MYO5A: variants seen among roughly 807,000 people sequenced by gnomAD.
MYO5A encodes the protein unconventional myosin-Va.
Under a neutral mutation model 249.7 loss-of-function variants are expected in MYO5A, and 98 were observed. The ratio of observed to expected loss-of-function variants is 0.39; its 90% confidence interval spans 0.33 to 0.46. The LOEUF is 0.46. MYO5A is among the 20% of genes least tolerant of loss of function. The pLI, the probability that MYO5A is intolerant of heterozygous loss-of-function variation, is 0.98. For missense variants in MYO5A, 1,696 were observed against 2,308.8 expected (o/e 0.73, Z 5.44); for synonymous variants, 778 against 810.6 (o/e 0.96, Z 0.68).
chr15:52,356,906 C>G (rs1226959408), intron 25 of MYO5A, among the ~76,000 whole-genome samples: 1 of 150,442 alleles, frequency 6.6e-6, no homozygotes, highest in East Asian at 1.9e-4. Context: ...CAAAAACAAC[C>G]TGAGAAGAAT....
At chr15:52,332,898 G>T (rs2038954891) in intron 34 of MYO5A, among the ~76,000 whole-genome samples, 1 of 152,194 alleles carries the variant, frequency 6.6e-6, no homozygotes, top group Admixed American at 6.5e-5. Flanking sequence ...CTGGGAGGCA[G>T]AGGTTGCAGT....
In MYO5A at chr15:52,327,925, T is replaced by TCGAACACACATGAA. The variant is rs1398143526; in HGVS notation, c.4636_4637insTTCATGTGTGTTCG (p.Asp1546ValfsTer8). 6.2e-7 allele frequency: 1 copy of TCGAACACACATGAA among 1,613,582 alleles called. No individual in the cohort carries two copies. Among genetic ancestry groups the TCGAACACACATGAA allele is most frequent in the Admixed American group, 1.7e-5 (1 of 60,022 alleles). ...TACTTTCTGATCATCATTCAGGTAG[T>TCGAACACACATGAA]CAGCATGTCGAACACACATGAACAG... On this transcript the variant is annotated frameshift_variant, in exon 36 of 42. Coordinates refer to ENST00000399233, the MANE Select transcript of MYO5A (RefSeq NM_001382347.1). LOFTEE classifies it high-confidence loss of function.
chr15:52,507,820 A>AAAAAAAAAAAAAAAAAT (rs1199181325), intron 1 of MYO5A, among the ~76,000 whole-genome samples: 1 of 151,820 alleles, frequency 6.6e-6, no homozygotes, highest in Non-Finnish European at 1.5e-5. Flanking sequence ...AAAAAAAAAA[A>AAAAAAAAAAAAAAAAAT]AGTGTAATAA....
At chr15:52,466,303 C>A (rs1042096112) in intron 1 of MYO5A, among the ~76,000 whole-genome samples, 4 of 152,076 alleles carry the variant, frequency 2.6e-5, no homozygotes, top group African/African-American at 9.7e-5. Flanking sequence ...GCTCCCACAG[C>A]CAGAACTGAG....
chr15:52,327,458 A>G (rs1447559677), intron 36 of MYO5A, among the ~76,000 whole-genome samples: 3 of 152,190 alleles, frequency 2.0e-5, no homozygotes, highest in Non-Finnish European at 4.4e-5. Context: ...CTGTAATCTC[A>G]GTATTTTGGG....
chr15:52,470,547 G>A (rs1483901758), intron 1 of MYO5A, among the ~76,000 whole-genome samples: 1 of 152,186 alleles, frequency 6.6e-6, no homozygotes, highest in East Asian at 1.9e-4. Flanking sequence ...CTACTCGGGA[G>A]GCTGAGGCAG....
In MYO5A at chr15:52,389,269, T is replaced by C. The variant is rs1391741498; in HGVS notation, c.1637A>G (p.Lys546Arg). ...ALFEKPRLSN[K>R]AFIIQHFADK... ...AGCAAAATGTTGGATGATGAAAGCTTTGTTTGATAGACGAGGCTTTTCAAA... is the reference window on the plus strand; with the variant it reads ...AGCAAAATGTTGGATGATGAAAGCTCTGTTTGATAGACGAGGCTTTTCAAA... Residue 546 changes from lysine to arginine, a missense_variant, in exon 13 of 42, where the codon AAA becomes AGA. Physicochemically the swap from Lys to Arg is conservative, Grantham distance 26. Around this residue, in one of 5 missense-constraint regions of MYO5A, gnomAD observed 277 missense variants for 422.4 expected, o/e 0.66. Transcript: ENST00000399233. 1 of 1,613,612 alleles carries C rather than the reference T, an allele frequency of 6.2e-7. No individual in the cohort carries two copies. Among genetic ancestry groups the C allele is most frequent in the South Asian group, 1.1e-5 (1 of 91,060 alleles).
chr15:52,433,360 A>G, intron 1 of MYO5A, 75 bp from the exon 2 acceptor site: 1 of 746,286 alleles, frequency 1.3e-6, no homozygotes, highest in Non-Finnish European at 2.3e-6. Context: ...TATGATAACT[A>G]TTTATAATTA....
chr15:52,363,521 T>C (rs530222749), intron 24 of MYO5A, among the ~76,000 whole-genome samples: 51 of 152,360 alleles, frequency 3.3e-4, no homozygotes, highest in African/African-American at 1.2e-3. Context: ...CTATCTTTTG[T>C]ATTACACAAT....
chr15:52,343,649 A>T (rs2039479938), intron 30 of MYO5A, among the ~76,000 whole-genome samples: 1 of 152,194 alleles, frequency 6.6e-6, no homozygotes. Flanking sequence ...GAACGTTTTT[A>T]GCTTAATAAA....
Position 52,346,364 on chromosome 15 carries a change from T to C in MYO5A, c.3956A>G (p.Asn1319Ser), listed in dbSNP as rs1448827892. 1 of 1,570,216 alleles carries C rather than the reference T, an allele frequency of 6.4e-7. No homozygotes were observed. Among genetic ancestry groups the C allele is most frequent in the Non-Finnish European group, 8.8e-7 (1 of 1,141,642 alleles). Residue 1319 changes from asparagine to serine, a missense_variant, in exon 30 of 42, where the codon AAT becomes AGT. By Grantham distance (46) the Asn-to-Ser change is conservative. Transcript: ENST00000399233. The part of the protein sequence containing the change: ...AQAYIGLKET[N>S]RSSALDYHEL... ...AATAAAAGAAGGATCAACTTACCTA[T>C]TTGTTTCTTTCAAACCAATGTATGC...
intron 1 of MYO5A, chr15:52,435,542 G>C (rs1021474084): frequency 1.6e-4 from 68 of 417,372 alleles, no homozygotes; most frequent in Admixed American, 3.5e-4. Context: ...CTCTCAAGGT[G>C]CTGGGATTAC....
chr15:52,446,983 T>C (rs1429363630), intron 1 of MYO5A, among the ~76,000 whole-genome samples: 1 of 152,140 alleles, frequency 6.6e-6, no homozygotes, highest in Non-Finnish European at 1.5e-5. Context: ...GATAAGACTT[T>C]GGATTTGGAC....
chr15:52,504,785 G>A (rs1693499), intron 1 of MYO5A, among the ~76,000 whole-genome samples: 2 of 151,948 alleles, frequency 1.3e-5, no homozygotes, highest in Non-Finnish European at 2.9e-5. Context: ...AGCTACTCAG[G>A]AGGTTGAGGC....
chr15:52,421,001 G>T (rs1282990614), intron 4 of MYO5A, among the ~76,000 whole-genome samples: 1 of 152,106 alleles, frequency 6.6e-6, no homozygotes, highest in Non-Finnish European at 1.5e-5. Context: ...ATATAATGAG[G>T]ATTACATGCC....
chr15:52,350,961 T>C (rs1322668107), intron 28 of MYO5A, among the ~76,000 whole-genome samples: 1 of 152,226 alleles, frequency 6.6e-6, no homozygotes, highest in Non-Finnish European at 1.5e-5. Context: ...TTTAATAAAA[T>C]TTTATTTTAG....
At chr15:52,494,412 T>C (rs572231507) in intron 1 of MYO5A, among the ~76,000 whole-genome samples, 9 of 152,344 alleles carry the variant, frequency 5.9e-5, no homozygotes, top group South Asian at 2.1e-4. Context: ...AGTATTGGGT[T>C]ACAAATATAC....
At chr15:52,392,701 A>G (rs1329862622) in intron 11 of MYO5A, among the ~76,000 whole-genome samples, 2 of 152,180 alleles carry the variant, frequency 1.3e-5, no homozygotes, top group Non-Finnish European at 2.9e-5. Context: ...TGTCCTCACC[A>G]TTGCTTCTCA....
At chr15:52,483,427 T>G (rs2076755047) in intron 1 of MYO5A, among the ~76,000 whole-genome samples, 1 of 152,094 alleles carries the variant, frequency 6.6e-6, no homozygotes, top group East Asian at 1.9e-4. Context: ...GTGAATTAAT[T>G]TATGATACAC....
Sources: gnomAD v4.1 joint callset for allele counts (sites outside exome capture counted in the v4.1 genomes callset) on GRCh38, gnomAD v4.1.1 for gene constraint, gnomAD v4.1.1 regional missense constraint, MANE v1.5 for transcripts, NCBI Gene and HGNC (gene_info 2026-07-23, HGNC 2026-07-21) for gene names.